Variants in SMIM36 observed in about 807,000 individuals in gnomAD.
SMIM36 encodes the protein small integral membrane protein 36.
At position 55,500,967 on chromosome 17, in the gene SMIM36, T is replaced by TATATATTATAATATATTATATATTATAAC. The variant is rs1567870669; in HGVS notation, c.*174+9911_*174+9912insGTTATAATATATAATATATTATAATATAT. Among the ~76,000 whole-genome samples the TATATATTATAATATATTATATATTATAAC allele has an allele frequency of 2.4e-4, 8 of 34,022 alleles. 3 individuals carry two copies. The highest frequency in any genetic ancestry group is 1.3e-3 in the Admixed American group (2 of 1,482). 22.3% of individuals were successfully genotyped at this position (34,022 alleles called of 152,430 possible). A position where few individuals can be genotyped will look rare whatever the true frequency, so the allele number is the denominator to read the frequency against. ...TATTATAATATATTATATTTTATAATATATATTATAATATATTATATATTA... is the reference window on the plus strand; with the variant it reads ...TATTATAATATATTATATTTTATAATATATATTATAATATATTATATATTATAACATATATTATAATATATTATATATTA... On this transcript the variant is annotated intron_variant, in intron 1 of 4. Transcript: ENST00000636752.
upstream of SMIM36, among the ~76,000 whole-genome samples, chr17:55,515,530 G>A (rs1447766418): frequency 1.3e-5 from 2 of 152,202 alleles, no homozygotes; most frequent in Non-Finnish European, 2.9e-5. Context: ...CACTGGAGAA[G>A]TAATGTGCCC....
chr17:55,491,553 C>T (rs535902541), intron 1 of SMIM36, among the ~76,000 whole-genome samples: 2 of 152,282 alleles, frequency 1.3e-5, no homozygotes, highest in Admixed American at 6.5e-5. Flanking sequence ...CTATACCTTT[C>T]AGTCTTCCTT....
intron 3 of SMIM36, among the ~76,000 whole-genome samples, chr17:55,470,881 G>A (rs12943077): frequency 0.51 from 77,111 of 151,790 alleles, 19,962 homozygotes; most frequent in African/African-American, 0.58. Context: ...CCACTGGCCT[G>A]TTACAACATG....
rs538622802 is a variant in SMIM36 at position 55,501,606 on chromosome 17, GTA to G, written c.*174+9271_*174+9272del. On this transcript the variant is annotated intron_variant, in intron 1 of 4. Coordinates refer to ENST00000636752, the Ensembl canonical transcript of SMIM36. ...TTCACTGGTTATATATAAAATCAGT[GTA>G]TATATATTAATCACTGAATATACAT... Among the ~76,000 whole-genome samples, 517 of 133,882 alleles carry G rather than the reference GTA, an allele frequency of 3.9e-3. 3 individuals carry two copies. Among genetic ancestry groups the G allele is most frequent in the African/African-American group, 0.014 (497 of 35,516 alleles). 87.8% of individuals were successfully genotyped at this position (133,882 alleles called of 152,430 possible). A position where few individuals can be genotyped will look rare whatever the true frequency, so the allele number is the denominator to read the frequency against.
At chr17:55,528,497 G>T in the SMIM36 span, among the ~76,000 whole-genome samples, 1 of 151,456 alleles carries the variant, frequency 6.6e-6, no homozygotes, top group Non-Finnish European at 1.5e-5. Context: ...GATTATAGGC[G>T]CACACCACCA....
chr17:55,493,386 T>G (rs1026031501), intron 1 of SMIM36, among the ~76,000 whole-genome samples: 2 of 152,068 alleles, frequency 1.3e-5, no homozygotes, highest in African/African-American at 4.8e-5. Flanking sequence ...TGCTCCAAGG[T>G]GTAGTCTGTA....
chr17:55,491,858 G>GA (rs1184825514), intron 1 of SMIM36, among the ~76,000 whole-genome samples: 1 of 152,202 alleles, frequency 6.6e-6, no homozygotes, highest in African/African-American at 2.4e-5. Context: ...ACATCAGAGT[G>GA]AAAGAAAGAG....
At chr17:55,453,804 T>C (rs570552446) in intron 4 of SMIM36, among the ~76,000 whole-genome samples, 6 of 152,300 alleles carry the variant, frequency 3.9e-5, no homozygotes, top group South Asian at 2.1e-4. Flanking sequence ...TTTAGAGTAG[T>C]TGGGTCAAGA....
intron 1 of SMIM36, among the ~76,000 whole-genome samples, chr17:55,485,442 TACCC>T: frequency 7.4e-6 from 1 of 135,988 alleles, no homozygotes; most frequent in Non-Finnish European, 1.6e-5. Context: ...TGTTCCACCA[TACCC>T]TGCTGATTTT....
At chr17:55,498,521 C>T (rs1188405592) in intron 1 of SMIM36, among the ~76,000 whole-genome samples, 2 of 151,934 alleles carry the variant, frequency 1.3e-5, no homozygotes. Context: ...TTTGAAATAT[C>T]ACAATATGCC....
chr17:55,496,548 A>G (rs1909810491), intron 1 of SMIM36, among the ~76,000 whole-genome samples: 1 of 152,350 alleles, frequency 6.6e-6, no homozygotes, highest in South Asian at 2.1e-4. Flanking sequence ...CAACAGAGGT[A>G]GATAATAAGT....
chr17:55,521,129 T>A, the SMIM36 span, among the ~76,000 whole-genome samples: 16,381 of 150,458 alleles, frequency 0.11, 1,994 homozygotes, highest in African/African-American at 0.3. Context: ...CAAGATTGCA[T>A]CTCAAAAAAA....
upstream of SMIM36, among the ~76,000 whole-genome samples, chr17:55,515,026 A>G (rs571831674): frequency 8.5e-4 from 129 of 151,306 alleles, no homozygotes; most frequent in South Asian, 0.011. Context: ...CTCGAGTCCA[A>G]ACAGATAGTA....
At chr17:55,459,099 G>T (rs1376721392) in intron 4 of SMIM36, among the ~76,000 whole-genome samples, 1 of 152,146 alleles carries the variant, frequency 6.6e-6, no homozygotes, top group East Asian at 1.9e-4. Flanking sequence ...CTGCCATGGG[G>T]TCGGAGCCCC....
chr17:55,517,899 T>G, the SMIM36 span, among the ~76,000 whole-genome samples: 2 of 152,004 alleles, frequency 1.3e-5, no homozygotes, highest in Non-Finnish European at 2.9e-5. Context: ...AGAAGAGGAA[T>G]AAGGACAGAG....
intron 1 of SMIM36, among the ~76,000 whole-genome samples, chr17:55,486,825 GA>G (rs1426226841): frequency 1.3e-5 from 2 of 152,194 alleles, no homozygotes; most frequent in African/African-American, 4.8e-5. Context: ...ACTAAAATGA[GA>G]ATAACTAATA....
At chr17:55,519,417 G>A in the SMIM36 span, among the ~76,000 whole-genome samples, 1 of 152,284 alleles carries the variant, frequency 6.6e-6, no homozygotes, top group Admixed American at 6.5e-5. Context: ...TGCAATGGTG[G>A]TCCCTGTGTG....
intron 1 of SMIM36, among the ~76,000 whole-genome samples, chr17:55,510,256 G>A (rs1598459975): frequency 1.3e-5 from 2 of 152,212 alleles, no homozygotes; most frequent in Admixed American, 1.3e-4. Context: ...GGAATAGAAC[G>A]TGAAGAGCTG....
At chr17:55,520,462 C>A in the SMIM36 span, among the ~76,000 whole-genome samples, 11 of 152,252 alleles carry the variant, frequency 7.2e-5, no homozygotes, top group Middle Eastern at 0.01. Context: ...GAATTGCTGG[C>A]ATCACTACTC....
Sources: gnomAD v4.1 joint callset for allele counts (sites outside exome capture counted in the v4.1 genomes callset) on GRCh38, gnomAD v4.1.1 for gene constraint, MANE v1.5 for transcripts, NCBI Gene and HGNC (gene_info 2026-07-23, HGNC 2026-07-21) for gene names.